RNF10: variants seen among roughly 807,000 people sequenced by gnomAD.
RNF10 encodes E3 ubiquitin-protein ligase RNF10.
A neutral mutation model predicts 91.4 loss-of-function variants in RNF10; 38 were observed. The observed-to-expected ratio is 0.42, with a 90% CI of 0.32 to 0.54. The LOEUF is 0.54. RNF10 is among the 20% of genes least tolerant of loss of function. The pLI, the probability that RNF10 is intolerant of heterozygous loss-of-function variation, is 0.16. For synonymous variants in RNF10, 364 were observed against 366.3 expected, an observed-to-expected ratio of 0.99 and a Z score of 0.07; for missense variants, 945 against 1,012.0, an observed-to-expected ratio of 0.93 and a Z score of 0.90.
chr12:120,554,439 G>A (rs1873658682), intron 3 of RNF10: 2 of 361,566 alleles, frequency 5.5e-6, no homozygotes, highest in Non-Finnish European at 1.0e-5. Context: ...TGGAGTCACG[G>A]TCTAGGTTAA....
At chr12:120,558,718 G>A (rs1375402413) in intron 6 of RNF10, among the ~76,000 whole-genome samples, 3 of 151,232 alleles carry the variant, frequency 2.0e-5, no homozygotes, top group Non-Finnish European at 2.9e-5. Flanking sequence ...ACAGGCGCCC[G>A]CCACCATGCC....
chr12:120,536,659 T>TG, intron 1 of RNF10, among the ~76,000 whole-genome samples: 1 of 152,302 alleles, frequency 6.6e-6, no homozygotes, highest in Admixed American at 6.5e-5. Flanking sequence ...AGATAGAAGG[T>TG]AACCAGTCCT....
At chr12:120,555,461 C>T (rs1873840589) in intron 4 of RNF10, among the ~76,000 whole-genome samples, 1 of 149,848 alleles carries the variant, frequency 6.7e-6, no homozygotes, top group African/African-American at 2.5e-5. Flanking sequence ...GGGTTACAGG[C>T]GTGAGCCACT....
intron 1 of RNF10, among the ~76,000 whole-genome samples, chr12:120,537,217 G>A (rs949504297): frequency 1.3e-4 from 20 of 151,414 alleles, no homozygotes; most frequent in African/African-American, 4.9e-4. Context: ...AGGCAGGGGA[G>A]GAGGAAGAGC....
In RNF10 at chr12:120,576,643, A is replaced by AC; in HGVS notation, c.2415dup (p.Ser806LeufsTer89). 1 of 1,613,974 alleles carries AC rather than the reference A, an allele frequency of 6.2e-7. No homozygotes were observed. Among genetic ancestry groups the AC allele is most frequent in the Non-Finnish European group, 8.5e-7 (1 of 1,179,950 alleles). On this transcript the variant is annotated frameshift_variant, in exon 17 of 17. Transcript: ENST00000325954. LOFTEE classifies it high-confidence loss of function. ...ACAGAAACAGAAGCTCCTGTTCAGC[A>AC]CCTCAGTCGTCCACACCAAGTGACA...
At chr12:120,537,681 C>CT (rs202213305) in intron 1 of RNF10, among the ~76,000 whole-genome samples, 154 of 149,274 alleles carry the variant, frequency 1.0e-3, no homozygotes, top group East Asian at 6.1e-3. Flanking sequence ...AGGCAGCATT[C>CT]TTTTTTTTTT....
intron 11 of RNF10, 113 bp from the exon 12 acceptor site, chr12:120,565,315 C>A (rs998439775): frequency 7.4e-5 from 85 of 1,155,542 alleles, no homozygotes; most frequent in Non-Finnish European, 1.1e-4. Context: ...AACACTTCAT[C>A]TGTTCATCTA....
chr12:120,577,413 GAGCAGGGCCATCTGAAGCGGT>G lies in RNF10; in HGVS notation c.*752_*772del, dbSNP rs2137283383. ...GGAGGAGTCTGGTACAGCTGCAGGA[GAGCAGGGCCATCTGAAGCGGT>G]AGCATTGCCACCATCTCCCTCTCAT... On this transcript the variant is annotated 3_prime_UTR_variant, in exon 17 of 17. Coordinates refer to ENST00000325954, the MANE Select transcript of RNF10 (RefSeq NM_014868.5). The G allele has an allele frequency of 3.2e-6, 1 of 309,888 alleles. No individual in the cohort carries two copies. Among genetic ancestry groups the G allele is most frequent in the African/African-American group, 2.3e-5 (1 of 43,738 alleles). The allele number at this position is 309,888 out of a possible 1,614,324, so 19.2% of individuals were successfully genotyped here. A position where few individuals can be genotyped will look rare whatever the true frequency, so the allele number is the denominator to read the frequency against.
chr12:120,559,173 A>ACT (rs1424215556), intron 6 of RNF10, among the ~76,000 whole-genome samples: 2 of 90,358 alleles, frequency 2.2e-5, no homozygotes, highest in African/African-American at 8.7e-5. Context: ...GTCTTGAACT[A>ACT]CTCTTTTTTT....
chr12:120,551,240 C>T (rs1873010365), intron 2 of RNF10, among the ~76,000 whole-genome samples: 1 of 150,830 alleles, frequency 6.6e-6, no homozygotes, highest in East Asian at 2.0e-4. Flanking sequence ...CCCTCCTTGG[C>T]CTCCTAAAGC....
At chr12:120,543,944 C>T (rs1243625098) in intron 1 of RNF10, among the ~76,000 whole-genome samples, 3 of 151,300 alleles carry the variant, frequency 2.0e-5, no homozygotes, top group Non-Finnish European at 4.4e-5. Context: ...GGGAATAAAA[C>T]ATGCTGGGCA....
chr12:120,540,532 T>G (rs1429310445), intron 1 of RNF10, among the ~76,000 whole-genome samples: 3 of 152,264 alleles, frequency 2.0e-5, no homozygotes, highest in South Asian at 4.1e-4. Context: ...AAAATAATAC[T>G]CTGAATTTTA....
intron 2 of RNF10, among the ~76,000 whole-genome samples, chr12:120,550,692 A>G (rs376665232): frequency 1.4e-5 from 2 of 147,774 alleles, no homozygotes; most frequent in Non-Finnish European, 3.0e-5. Context: ...TGCCTCCTGG[A>G]TTCACGGCAT....
intron 1 of RNF10, among the ~76,000 whole-genome samples, chr12:120,541,335 C>T (rs527919958): frequency 2.6e-5 from 4 of 152,052 alleles, no homozygotes; most frequent in South Asian, 4.1e-4. Context: ...TACCTATCCT[C>T]GTAGAATCTC....
intron 14 of RNF10, among the ~76,000 whole-genome samples, chr12:120,573,466 A>G (rs1206845028): frequency 6.6e-6 from 1 of 152,220 alleles, no homozygotes; most frequent in Non-Finnish European, 1.5e-5. Context: ...TAAGAATAAG[A>G]CATAGGTGAC....
chr12:120,576,623 A>G lies in RNF10; in HGVS notation c.2393A>G (p.Lys798Arg). 6.2e-7 allele frequency: 1 copy of G among 1,613,980 alleles called. No individual in the cohort carries two copies. The highest frequency in any genetic ancestry group is 8.5e-7 in the Non-Finnish European group (1 of 1,179,920). Residue 798 changes from lysine (K) to arginine (R), a missense_variant, in exon 17 of 17, where the codon AAA becomes AGA. Physicochemically the swap from Lys to Arg is conservative, Grantham distance 26. Transcript: ENST00000325954. ...GGAGGAAAGAAAAGAAAAAAACAGA[A>G]ACAGAAGCTCCTGTTCAGCACCTCA... The part of the protein sequence containing the change: ...EKGGKKRKKQ[K>R]QKLLFSTSVV...
intron 2 of RNF10, among the ~76,000 whole-genome samples, chr12:120,550,971 G>T (rs1872961823): frequency 6.6e-6 from 1 of 151,950 alleles, no homozygotes; most frequent in South Asian, 2.1e-4. Flanking sequence ...TATACCACCA[G>T]TTGTATTTAA....
chr12:120,546,106 T>G (rs1448231890), intron 1 of RNF10, among the ~76,000 whole-genome samples: 1 of 152,240 alleles, frequency 6.6e-6, no homozygotes, highest in Non-Finnish European at 1.5e-5. Context: ...GACTGAACTT[T>G]TACAAGGACA....
At chr12:120,538,342 A>AT (rs1322450954) in intron 1 of RNF10, among the ~76,000 whole-genome samples, 1 of 152,038 alleles carries the variant, frequency 6.6e-6, no homozygotes. Context: ...TACATGATTA[A>AT]TTTCTTTGAG....
Sources: allele counts gnomAD v4.1 joint callset (sites outside exome capture counted in the v4.1 genomes callset), GRCh38; gene constraint gnomAD v4.1.1; transcripts MANE v1.5; gene names NCBI Gene and HGNC (gene_info 2026-07-23, HGNC 2026-07-21).